Variants in HACD2 observed in about 807,000 individuals in gnomAD.
The protein encoded by HACD2 is 3-hydroxyacyl-CoA dehydratase 2, also known as very-long-chain (3R)-3-hydroxyacyl-CoA dehydratase 2.
In HACD2, 15 loss-of-function variants were observed where a neutral mutation model predicts 31.0. The observed-to-expected ratio is 0.48, with a 90% CI of 0.32 to 0.75. The LOEUF (loss-of-function observed/expected upper bound fraction) is 0.75. Ranked by LOEUF, HACD2 falls within the 30% of genes least tolerant of loss-of-function variation. HACD2 has a pLI of 0.03. For synonymous variants in HACD2, 115 were observed against 122.2 expected, an observed-to-expected ratio of 0.94 and a Z score of 0.39; for missense variants, 283 against 313.0, an observed-to-expected ratio of 0.90 and a Z score of 0.72.
intron 6 of HACD2, among the ~76,000 whole-genome samples, chr3:123,498,195 G>A (rs2055857409): frequency 6.6e-6 from 1 of 152,196 alleles, no homozygotes; most frequent in Non-Finnish European, 1.5e-5. Flanking sequence ...ACCTGGGTGA[G>A]GAGTCAATGG....
At chr3:123,531,228 T>C (rs1229946347) in intron 3 of HACD2, among the ~76,000 whole-genome samples, 1 of 152,208 alleles carries the variant, frequency 6.6e-6, no homozygotes, top group Non-Finnish European at 1.5e-5. Context: ...TTATTAATTA[T>C]TCCCTCTCCA....
intron 1 of HACD2, among the ~76,000 whole-genome samples, chr3:123,583,703 A>G (rs2056990236): frequency 6.6e-6 from 1 of 152,174 alleles, no homozygotes; most frequent in Admixed American, 6.5e-5. Context: ...ATATTAATAT[A>G]TTGGCATTTG....
intron 3 of HACD2, among the ~76,000 whole-genome samples, chr3:123,563,814 C>T (rs149311367): frequency 6.6e-6 from 1 of 152,102 alleles, no homozygotes; most frequent in African/African-American, 2.4e-5. Flanking sequence ...AACCCTCAGT[C>T]TCAGCTGGAA....
At chr3:123,565,036 T>C (rs1187119300) in intron 3 of HACD2, among the ~76,000 whole-genome samples, 1 of 152,128 alleles carries the variant, frequency 6.6e-6, no homozygotes, top group Non-Finnish European at 1.5e-5. Context: ...GGGATGCCCA[T>C]CTGACTGTGG....
chr3:123,550,921 C>G (rs2056613331), intron 3 of HACD2, among the ~76,000 whole-genome samples: 1 of 152,098 alleles, frequency 6.6e-6, no homozygotes, highest in Admixed American at 6.5e-5. Flanking sequence ...GAAAGAAGAA[C>G]CCATGAGGGA....
chr3:123,504,655 A>T (rs2055950209), intron 4 of HACD2, among the ~76,000 whole-genome samples: 1 of 152,210 alleles, frequency 6.6e-6, no homozygotes, highest in Admixed American at 6.5e-5. Context: ...GAACTATGAC[A>T]AACTCAGACT....
chr3:123,535,260 T>C (rs954193379), intron 3 of HACD2, among the ~76,000 whole-genome samples: 1 of 152,096 alleles, frequency 6.6e-6, no homozygotes, highest in African/African-American at 2.4e-5. Flanking sequence ...GTGCTACACC[T>C]GTCGTACAGT....
At chr3:123,502,724 C>T (rs537527155) in intron 4 of HACD2, 43 bp from the exon 5 acceptor site, 16 of 1,558,408 alleles carry the variant, frequency 1.0e-5, no homozygotes, top group Admixed American at 9.7e-5. Context: ...ACACAGACAA[C>T]GTTAATGAAG....
intron 4 of HACD2, among the ~76,000 whole-genome samples, chr3:123,523,277 G>C (rs1220840546): frequency 6.6e-6 from 1 of 152,094 alleles, no homozygotes; most frequent in Non-Finnish European, 1.5e-5. Flanking sequence ...AGGAAGAAAG[G>C]AAAACCGTGT....
chr3:123,512,759 T>A (rs769020820), intron 4 of HACD2, among the ~76,000 whole-genome samples: 1 of 152,136 alleles, frequency 6.6e-6, no homozygotes, highest in Non-Finnish European at 1.5e-5. Context: ...GTTGGAGGGA[T>A]CAGTATGAAC....
At chr3:123,557,514 C>CTGTA (rs1266394530) in intron 3 of HACD2, among the ~76,000 whole-genome samples, 1 of 152,134 alleles carries the variant, frequency 6.6e-6, no homozygotes, top group East Asian at 1.9e-4. Flanking sequence ...TGGCTCACAC[C>CTGTA]TGTAGTCCCA....
intron 6 of HACD2, among the ~76,000 whole-genome samples, chr3:123,498,264 G>C (rs2055858602): frequency 6.6e-6 from 1 of 152,238 alleles, no homozygotes; most frequent in African/African-American, 2.4e-5. Flanking sequence ...GTCTACAAGA[G>C]GTTAGCTGCC....
At chr3:123,573,288 T>A (rs1289684026) in intron 2 of HACD2, among the ~76,000 whole-genome samples, 1 of 152,234 alleles carries the variant, frequency 6.6e-6, no homozygotes, top group Non-Finnish European at 1.5e-5. Flanking sequence ...TTCTTCTGCA[T>A]CTGAATTTTT....
In HACD2 at chr3:123,526,086, G is replaced by A. The variant is rs2056279846; in HGVS notation, c.381+2300C>T. Among the ~76,000 whole-genome samples the A allele has an allele frequency of 2.0e-5, 3 of 151,726 alleles. No homozygotes were observed. In the South Asian group the frequency reaches 6.3e-4, roughly 32 times the overall value. On this transcript the variant is annotated intron_variant, in intron 4 of 6. Coordinates refer to ENST00000383657, the MANE Select transcript of HACD2 (RefSeq NM_198402.5). ...GGGGCCACAGCAACAGCCTTTTCAA[G>A]GTGACATATAGCAAGCACTGGCCTC...
intron 4 of HACD2, among the ~76,000 whole-genome samples, chr3:123,505,654 T>G (rs1559900093): frequency 6.6e-6 from 1 of 152,162 alleles, no homozygotes; most frequent in East Asian, 1.9e-4. Context: ...TCAGCCACAT[T>G]AACAGTCTTA....
intron 4 of HACD2, among the ~76,000 whole-genome samples, chr3:123,513,140 T>C (rs376071804): frequency 6.6e-6 from 1 of 152,184 alleles, no homozygotes; most frequent in African/African-American, 2.4e-5. Context: ...AAATCCTAGA[T>C]AGTTTTAGCA....
chr3:123,514,924 C>G (rs761502871), intron 4 of HACD2, among the ~76,000 whole-genome samples: 12 of 152,178 alleles, frequency 7.9e-5, no homozygotes, highest in Non-Finnish European at 1.3e-4. Context: ...ATATTCAGTT[C>G]TGTGTGAAAA....
At chr3:123,545,432 A>C (rs949831979) in intron 3 of HACD2, among the ~76,000 whole-genome samples, 5 of 151,242 alleles carry the variant, frequency 3.3e-5, no homozygotes, top group Non-Finnish European at 5.9e-5. Context: ...CAGTGAGCCA[A>C]GATCATGCCA....
chr3:123,518,718 C>T (rs1046644079), intron 4 of HACD2, among the ~76,000 whole-genome samples: 8 of 152,064 alleles, frequency 5.3e-5, no homozygotes, highest in South Asian at 2.1e-4. Flanking sequence ...GAGCAAAGGC[C>T]GGGCATGGTG....
Sources: allele counts gnomAD v4.1 joint callset (sites outside exome capture counted in the v4.1 genomes callset), GRCh38; gene constraint gnomAD v4.1.1; transcripts MANE v1.5; gene names NCBI Gene and HGNC (gene_info 2026-07-23, HGNC 2026-07-21).